FGF13: variants seen among roughly 807,000 people sequenced by gnomAD.
FGF13 encodes the protein fibroblast growth factor 13.
Under a neutral mutation model 19.5 loss-of-function variants are expected in FGF13, and 2 were observed. The ratio of observed to expected loss-of-function variants is 0.10; its 90% CI spans 0.04 to 0.32. FGF13 has a LOEUF of 0.32. Ranked by LOEUF, FGF13 falls within the 10% of genes least tolerant of loss-of-function variation. FGF13 has a pLI of 1.00. For missense variants in FGF13, 113 were observed against 192.7 expected, an observed-to-expected ratio of 0.59 and a Z score of 2.45; for synonymous variants, 72 against 76.9, an observed-to-expected ratio of 0.94 and a Z score of 0.33.
intron 1 of FGF13, among the ~76,000 whole-genome samples, chrX:139,030,875 A>G (rs1222360468): frequency 8.9e-6 from 1 of 112,238 alleles, no homozygotes; most frequent in African/African-American, 3.2e-5. Context: ...GTCAAATGCT[A>G]GCCCAGGTTA....
Position 138,760,704 on chromosome X carries a change from C to CA in FGF13, c.218-51777dup, listed in dbSNP as rs199787922. On this transcript the variant is annotated intron_variant, in intron 3 of 6. Coordinates refer to the FGF13 transcript ENST00000436198. ...CCAAGGTCATGTGGCTAGTAAGAGG[C>CA]ATAGCCAGGATTCCACTTCAATGTG... 6.0e-3 allele frequency among the ~76,000 whole-genome samples: 677 copies of CA among 112,082 alleles called. 9 individuals are homozygous for CA. Among genetic ancestry groups the CA allele is most frequent in the African/African-American group, 0.021 (652 of 30,846 alleles).
intron 3 of FGF13, among the ~76,000 whole-genome samples, chrX:138,697,945 C>T (rs2089911005): frequency 1.8e-5 from 2 of 111,258 alleles, no homozygotes; most frequent in Admixed American, 9.6e-5. Flanking sequence ...CTCTCAAAAG[C>T]TTGTGTACAA....
chrX:138,989,752 G>GAAA (rs5903990), intron 1 of FGF13, among the ~76,000 whole-genome samples: 5,253 of 102,350 alleles, frequency 0.051, 149 homozygotes, highest in Middle Eastern at 0.083. Flanking sequence ...ACTATTAACT[G>GAAA]AAAAAAAAAA....
In FGF13 at chrX:138,624,630, A is replaced by G. The variant is rs750864603; in HGVS notation, c.*8220T>C. 4 of 111,876 alleles carry G rather than the reference A, an allele frequency of 3.6e-5. No homozygotes were observed. The East Asian group carries it at 1.1e-3, about 32-fold the overall frequency. The allele number at this position is 111,876 out of a possible 1,213,427, so 9.2% of individuals were successfully genotyped here. On this transcript the variant is annotated 3_prime_UTR_variant, in exon 5 of 5. Coordinates refer to ENST00000315930, the MANE Select transcript of FGF13 (RefSeq NM_004114.5). The stretch of plus-strand genomic sequence containing the variant: ...GGTGGCCCATGCCTCTAATCCTAAC[A>G]CTTTGGGAGGTCCCAAGGTGGGCAA...
chrX:138,751,895 C>T (rs2090401037), intron 3 of FGF13, among the ~76,000 whole-genome samples: 1 of 111,616 alleles, frequency 9.0e-6, no homozygotes, highest in Admixed American at 9.5e-5. Context: ...TAATTTATGC[C>T]TCACAACAAC....
chrX:138,695,552 C>G (rs1251721925), intron 3 of FGF13, among the ~76,000 whole-genome samples: 2 of 111,580 alleles, frequency 1.8e-5, no homozygotes, highest in African/African-American at 6.5e-5. Flanking sequence ...TGCCAGGGTA[C>G]ATACTCTCAA....
chrX:138,958,571 G>C (rs1038868861), intron 1 of FGF13, among the ~76,000 whole-genome samples: 1 of 111,738 alleles, frequency 8.9e-6, no homozygotes, highest in Non-Finnish European at 1.9e-5. Context: ...TTTTTCTATT[G>C]ATTGGAATAG....
At chrX:139,088,423 T>A (rs1473579154) in intron 1 of FGF13, among the ~76,000 whole-genome samples, 7 of 110,437 alleles carry the variant, frequency 6.3e-5, no homozygotes, top group African/African-American at 2.3e-4. Flanking sequence ...GTGCAAATAA[T>A]CAATTTTGAA....
chrX:138,980,618 C>T (rs1407605727), intron 1 of FGF13, among the ~76,000 whole-genome samples: 1 of 109,031 alleles, frequency 9.2e-6, no homozygotes, highest in Admixed American at 1.0e-4. Context: ...TAATAATCTT[C>T]AGAGAATACA....
chrX:139,159,645 A>G (rs1411112006), intron 1 of FGF13, among the ~76,000 whole-genome samples: 3 of 96,647 alleles, frequency 3.1e-5, no homozygotes, highest in Admixed American at 1.1e-4. Context: ...TTTACCAAGC[A>G]AAGAGAAAGC....
intron 1 of FGF13, among the ~76,000 whole-genome samples, chrX:138,987,263 G>A (rs186515668): frequency 9.0e-6 from 1 of 111,648 alleles, no homozygotes; most frequent in African/African-American, 3.3e-5. Context: ...TAAGTATTCC[G>A]ATCTCCCTGG....
intron 1 of FGF13, among the ~76,000 whole-genome samples, chrX:139,162,870 A>T (rs2084047325): frequency 8.9e-6 from 1 of 112,440 alleles, no homozygotes; most frequent in South Asian, 3.7e-4. Flanking sequence ...TAGAATGGCG[A>T]TCATTAAAAA....
intron 1 of FGF13, among the ~76,000 whole-genome samples, chrX:139,202,631 T>G (rs992182023): frequency 9.0e-6 from 1 of 111,196 alleles, no homozygotes; most frequent in African/African-American, 3.3e-5. Context: ...GAAACAAGGA[T>G]AAAGGCCTTG....
chrX:138,796,681 C>T (rs1748112534), intron 3 of FGF13, among the ~76,000 whole-genome samples: 1 of 111,605 alleles, frequency 9.0e-6, no homozygotes, highest in Non-Finnish European at 1.9e-5. Context: ...AATTTACACT[C>T]CCACCAACAG....
rs1438946743 is a variant in FGF13 at position 138,988,248 on chromosome X, C to G, written c.-112-123598G>C. On this transcript the variant is annotated intron_variant, in intron 1 of 2. Coordinates refer to the FGF13 transcript ENST00000421460. ...CTCCCTGGCTCCAACTAGCCATATG[C>G]TAACATCTCTCTCTAATCACCTTAT... Among the ~76,000 whole-genome samples, 11 of 112,284 alleles carry G rather than the reference C, an allele frequency of 9.8e-5. No individual in the cohort carries two copies. In the Admixed American group the frequency reaches 1.0e-3, roughly 11 times the overall value.
At chrX:138,799,804 G>A (rs1392689922) in intron 3 of FGF13, among the ~76,000 whole-genome samples, 1 of 111,662 alleles carries the variant, frequency 9.0e-6, no homozygotes, top group Non-Finnish European at 1.9e-5. Flanking sequence ...AGCTCTTCTT[G>A]TTGCATTGAT....
chrX:139,019,104 T>C (rs1174860042), intron 1 of FGF13, among the ~76,000 whole-genome samples: 2 of 111,803 alleles, frequency 1.8e-5, no homozygotes, highest in Non-Finnish European at 3.8e-5. Context: ...GAAATGTAGC[T>C]ATCTTCATGT....
chrX:138,896,813 C>A (rs1301117748), intron 1 of FGF13, among the ~76,000 whole-genome samples: 1 of 111,907 alleles, frequency 8.9e-6, no homozygotes, highest in African/African-American at 3.3e-5. Context: ...CTTACCTGTG[C>A]CACTCTGTCT....
At chrX:139,017,781 C>T (rs912823252) in intron 1 of FGF13, among the ~76,000 whole-genome samples, 3 of 111,196 alleles carry the variant, frequency 2.7e-5, no homozygotes, top group African/African-American at 9.8e-5. Flanking sequence ...CAACTTCTTA[C>T]AAAATTGCAG....
Sources: allele counts gnomAD v4.1 joint callset (sites outside exome capture counted in the v4.1 genomes callset), GRCh38; gene constraint gnomAD v4.1.1; transcripts MANE v1.5; gene names NCBI Gene and HGNC (gene_info 2026-07-23, HGNC 2026-07-21).